Variants in MGRN1 observed in about 807,000 individuals in gnomAD.
MGRN1 encodes the protein E3 ubiquitin-protein ligase MGRN1.
Under a neutral mutation model 69.2 loss-of-function variants are expected in MGRN1, and 29 were observed. The observed-to-expected ratio is 0.42, with a 90% CI of 0.31 to 0.57. MGRN1 has a LOEUF of 0.57. Among genes scored for constraint, MGRN1 ranks in the 20% least tolerant of loss-of-function variants. The pLI is 0.15. For synonymous variants in MGRN1, 470 were observed against 344.2 expected (o/e 1.37, Z -4.04); for missense variants, 998 against 796.2 (o/e 1.25, Z -3.05).
At chr16:4,631,248 C>A (rs919519246) in intron 1 of MGRN1, among the ~76,000 whole-genome samples, 3 of 152,198 alleles carry the variant, frequency 2.0e-5, no homozygotes, top group African/African-American at 4.8e-5. Context: ...TGCCTTTGCA[C>A]CTTTGTCAAA....
intron 1 of MGRN1, among the ~76,000 whole-genome samples, chr16:4,637,434 A>G (rs1040199466): frequency 1.3e-5 from 2 of 152,034 alleles, no homozygotes. Flanking sequence ...TCTCAAAGAA[A>G]AAAACAAAAA....
intron 5 of MGRN1, among the ~76,000 whole-genome samples, chr16:4,659,559 G>A (rs183911667): frequency 2.6e-5 from 4 of 152,326 alleles, no homozygotes; most frequent in African/African-American, 4.8e-5. Flanking sequence ...CCTCTGTCCC[G>A]GACTTGGCAC....
At chr16:4,666,550 G>A (rs2078810468) in intron 7 of MGRN1, among the ~76,000 whole-genome samples, 1 of 152,222 alleles carries the variant, frequency 6.6e-6, no homozygotes, top group African/African-American at 2.4e-5. Flanking sequence ...CCCACAAGGA[G>A]GGCTGTCTGC....
chr16:4,625,153 C>T, intron 1 of MGRN1, 105 bp downstream of exon 1: 1 of 1,111,650 alleles, frequency 9.0e-7, no homozygotes. Context: ...TCGGCCCCCT[C>T]CGGGCCTCGT....
chr16:4,628,963 A>G (rs184733116), intron 1 of MGRN1, among the ~76,000 whole-genome samples: 10 of 152,076 alleles, frequency 6.6e-5, no homozygotes, highest in Admixed American at 6.6e-4. Context: ...CAGCCTCCCA[A>G]GTAGCTGGGA....
chr16:4,671,533 T>TGC (rs2078937183), intron 9 of MGRN1, 74 bp downstream of exon 9: 1 of 1,414,484 alleles, frequency 7.1e-7, no homozygotes. Context: ...CAGCAATGCT[T>TGC]GCCGGTTCCC....
At chr16:4,667,753 G>C (rs910768851) in intron 7 of MGRN1, among the ~76,000 whole-genome samples, 6 of 152,188 alleles carry the variant, frequency 3.9e-5, no homozygotes, top group Middle Eastern at 3.2e-3. Context: ...GATACCGCCG[G>C]GTGTGCTTGT....
intron 9 of MGRN1, among the ~76,000 whole-genome samples, chr16:4,673,080 T>G (rs1220890639): frequency 6.6e-6 from 1 of 152,144 alleles, no homozygotes; most frequent in African/African-American, 2.4e-5. Context: ...CCTCGTGATC[T>G]GCCCGCCTCA....
At chr16:4,659,474 G>C (rs1238230437) in intron 5 of MGRN1, among the ~76,000 whole-genome samples, 1 of 152,224 alleles carries the variant, frequency 6.6e-6, no homozygotes, top group Non-Finnish European at 1.5e-5. Flanking sequence ...AGTGGTCATT[G>C]TGGCCAGCTT....
intron 13 of MGRN1, among the ~76,000 whole-genome samples, chr16:4,682,474 C>T (rs557334273): frequency 5.9e-5 from 9 of 152,170 alleles, no homozygotes; most frequent in African/African-American, 2.2e-4. Flanking sequence ...TCCATGCCCA[C>T]GAGGAGGCAG....
At chr16:4,657,478 C>A (rs1478595574) in intron 5 of MGRN1, 115 bp downstream of exon 5, 2 of 1,005,472 alleles carry the variant, frequency 2.0e-6, no homozygotes, top group African/African-American at 1.6e-5. Flanking sequence ...TTCATAAGAC[C>A]TGGGAACGGC....
chr16:4,679,933 C>G (rs2079140847), intron 11 of MGRN1, 99 bp from the exon 12 acceptor site: 2 of 1,156,140 alleles, frequency 1.7e-6, no homozygotes, highest in Middle Eastern at 2.3e-4. Context: ...AAGTTCTGCG[C>G]CACGGTGTGG....
At chr16:4,686,829 G>A (rs551971108) in intron 16 of MGRN1, 7 of 986,844 alleles carry the variant, frequency 7.1e-6, no homozygotes, top group South Asian at 4.7e-5. Context: ...CCCGTGTTCC[G>A]GTCGTGGCTT....
Position 4,624,826 on chromosome 16 carries a change from G to T in MGRN1, c.-135G>T, listed in dbSNP as rs1270601246. On this transcript the variant is annotated 5_prime_UTR_variant, in exon 1 of 17. Transcript: ENST00000262370. ...TCGGTCCCCGGGCCGAGCCGGGGGT[G>T]GGGGCTCGAGGCGCCTCCGCGGCCG... 8 of 608,994 alleles carry T rather than the reference G, an allele frequency of 1.3e-5. No individual in the cohort carries two copies. Among genetic ancestry groups the T allele is most frequent in the Non-Finnish European group, 2.4e-6 (1 of 411,554 alleles). 37.7% of individuals were successfully genotyped at this position (608,994 alleles called of 1,614,324 possible).
At position 4,661,357 on chromosome 16, in the gene MGRN1, C is replaced by CGCACCCTTTTCTCCT. The variant is rs578005716; in HGVS notation, c.562-3344_562-3330dup. ...AGGATTGGCCGCCTTGGCCACCTTT[C>CGCACCCTTTTCTCCT]GCACCCTTTTCTCCTGCACCCTCCA... is the stretch of plus-strand genomic sequence containing the variant. On this transcript the variant is annotated intron_variant, in intron 5 of 16. Coordinates refer to ENST00000262370, the MANE Select transcript of MGRN1 (RefSeq NM_015246.4). Among the ~76,000 whole-genome samples the CGCACCCTTTTCTCCT allele has an allele frequency of 2.6e-4, 39 of 152,348 alleles. 1 individual carries two copies. In the South Asian group the frequency reaches 7.2e-3, roughly 28 times the overall value.
Position 4,682,943 on chromosome 16 carries a change from T to C in MGRN1, c.1479T>C (p.Pro493=). The C allele has an allele frequency of 6.4e-7, 1 of 1,573,322 alleles. No individual in the cohort carries two copies. The part of the protein sequence containing the change: ...AELALRESSS[P]ESFITEEVDE... Reference sequence around the variant, plus strand: ...TGGCCCTGCGGGAAAGCAGCTCCCCTGAGGTGAGGCCCCCCCGGGGAAGCT... The same window carrying C: ...TGGCCCTGCGGGAAAGCAGCTCCCCCGAGGTGAGGCCCCCCCGGGGAAGCT... The change falls in exon 14 of 17, where the codon CCT becomes CCC. Residue 493 remains proline (P), a synonymous_variant. Coordinates refer to ENST00000262370, the MANE Select transcript of MGRN1 (RefSeq NM_015246.4).
At chr16:4,669,970 C>T (rs1344031474) in intron 8 of MGRN1, among the ~76,000 whole-genome samples, 1 of 132,472 alleles carries the variant, frequency 7.5e-6, no homozygotes, top group African/African-American at 2.5e-5. Flanking sequence ...TCCGTGTGTA[C>T]TGTTGGGGCG....
intron 9 of MGRN1, 81 bp from the exon 10 acceptor site, chr16:4,673,417 G>T (rs901459739): frequency 5.8e-6 from 9 of 1,542,872 alleles, no homozygotes; most frequent in Non-Finnish European, 7.9e-6. Flanking sequence ...GTGGAGTGGG[G>T]TGGGACAGCT....
At chr16:4,659,071 C>G (rs991863200) in intron 5 of MGRN1, 1 of 152,144 alleles carries the variant, frequency 6.6e-6, no homozygotes. Context: ...GATCAAAACT[C>G]CCATGCTGAT....
Sources: allele counts gnomAD v4.1 joint callset (sites outside exome capture counted in the v4.1 genomes callset), GRCh38; gene constraint gnomAD v4.1.1; transcripts MANE v1.5; gene names NCBI Gene and HGNC (gene_info 2026-07-23, HGNC 2026-07-21).